SV2C: variants seen among roughly 807,000 people sequenced by gnomAD.
SV2C encodes the protein synaptic vesicle glycoprotein 2C.
SV2C carries 49 observed loss-of-function variants against 79.7 expected under a neutral mutation model. That is an observed-to-expected ratio of 0.61 (90% CI 0.49 to 0.78). The LOEUF (loss-of-function observed/expected upper bound fraction) is 0.78, where lower values mean the gene tolerates loss of function less well. SV2C is among the 30% of genes least tolerant of loss of function. The pLI, the probability that SV2C is intolerant of heterozygous loss-of-function variation, is 0.00. For missense variants in SV2C, 833 were observed against 912.9 expected (o/e 0.91, Z 1.13); for synonymous variants, 334 against 333.2 (o/e 1.00, Z -0.03).
intron 1 of SV2C, among the ~76,000 whole-genome samples, chr5:76,127,254 C>T (rs1411264472): frequency 1.3e-5 from 2 of 151,944 alleles, no homozygotes; most frequent in Non-Finnish European, 2.9e-5. Context: ...AGGGTGGGAG[C>T]TTGTGTAGGA....
chr5:76,314,898 C>A (rs115715893), intron 12 of SV2C, among the ~76,000 whole-genome samples: 1,707 of 152,286 alleles, frequency 0.011, 31 homozygotes, highest in African/African-American at 0.039. Flanking sequence ...GTCATTCCAT[C>A]ATTATTTACC....
downstream of SV2C, among the ~76,000 whole-genome samples, chr5:76,336,546 G>A (rs987623304): frequency 4.6e-5 from 7 of 152,174 alleles, no homozygotes; most frequent in African/African-American, 1.7e-4. Context: ...GCAGGCGGCT[G>A]GGAGGTGGAG....
intron 4 of SV2C, among the ~76,000 whole-genome samples, chr5:76,211,722 G>A (rs1170672856): frequency 1.3e-5 from 2 of 152,078 alleles, no homozygotes; most frequent in South Asian, 4.1e-4. Context: ...GAACAACCTT[G>A]GTGAAATTGA....
intron 4 of SV2C, among the ~76,000 whole-genome samples, chr5:76,254,590 C>G (rs913960981): frequency 6.6e-6 from 1 of 152,164 alleles, no homozygotes; most frequent in African/African-American, 2.4e-5. Context: ...GAAATAAATA[C>G]ACAGACTGCC....
chr5:76,176,124 A>AAC (rs1743521004), intron 2 of SV2C, among the ~76,000 whole-genome samples: 2 of 152,082 alleles, frequency 1.3e-5, no homozygotes, highest in African/African-American at 2.4e-5. Context: ...CCCCCACCCC[A>AAC]ACACACACAC....
chr5:75,912,526 T>C, the SV2C span, among the ~76,000 whole-genome samples: 1 of 151,994 alleles, frequency 6.6e-6, no homozygotes, highest in East Asian at 1.9e-4. Flanking sequence ...CTTATTGAAA[T>C]AGAAAACCCC....
the SV2C span, among the ~76,000 whole-genome samples, chr5:75,876,463 T>C: frequency 2.0e-5 from 3 of 151,974 alleles, no homozygotes; most frequent in Non-Finnish European, 4.4e-5. Flanking sequence ...AAGATGACTA[T>C]TGGGTACTGG....
At chr5:75,857,932 T>C in the SV2C span, among the ~76,000 whole-genome samples, 1 of 152,230 alleles carries the variant, frequency 6.6e-6, no homozygotes, top group Non-Finnish European at 1.5e-5. Flanking sequence ...AGAGAAATGC[T>C]ACTCATTTTT....
chr5:75,877,262 G>T, the SV2C span, among the ~76,000 whole-genome samples: 2 of 152,020 alleles, frequency 1.3e-5, no homozygotes, highest in African/African-American at 4.8e-5. Flanking sequence ...AAACATGTAT[G>T]CACCTAGAAA....
At chr5:76,250,992 G>A (rs1466932495) in intron 4 of SV2C, among the ~76,000 whole-genome samples, 1 of 152,104 alleles carries the variant, frequency 6.6e-6, no homozygotes, top group Non-Finnish European at 1.5e-5. Context: ...CATTCCTGGG[G>A]TCCTATTGTT....
chr5:75,994,846 A>G, the SV2C span, among the ~76,000 whole-genome samples: 1 of 152,254 alleles, frequency 6.6e-6, no homozygotes, highest in East Asian at 1.9e-4. Flanking sequence ...TAGTGTTATA[A>G]TTCAGTATGA....
At chr5:76,254,257 TAGAGAG>T (rs766602017) in intron 4 of SV2C, among the ~76,000 whole-genome samples, 3 of 149,304 alleles carry the variant, frequency 2.0e-5, no homozygotes, top group African/African-American at 2.5e-5. Context: ...TATATATATA[TAGAGAG>T]AGAGAGAGAG....
intron 12 of SV2C, among the ~76,000 whole-genome samples, chr5:76,320,153 CTTT>C (rs34287027): frequency 8.1e-5 from 11 of 135,504 alleles, no homozygotes; most frequent in Non-Finnish European, 4.8e-5. Flanking sequence ...TCTCGTCTTC[CTTT>C]TTTTTTTTTT....
At chr5:76,000,586 G>A in the SV2C span, among the ~76,000 whole-genome samples, 5 of 152,052 alleles carry the variant, frequency 3.3e-5, no homozygotes, top group Non-Finnish European at 7.4e-5. Flanking sequence ...ACACTTAACC[G>A]CACCAAAATT....
chr5:75,920,055 T>C, the SV2C span, among the ~76,000 whole-genome samples: 1 of 152,212 alleles, frequency 6.6e-6, no homozygotes, highest in Non-Finnish European at 1.5e-5. Flanking sequence ...GGTAGAGATA[T>C]GCAGTAAAAC....
chr5:76,125,441 TA>T (rs1319929774), intron 1 of SV2C, among the ~76,000 whole-genome samples: 12 of 152,310 alleles, frequency 7.9e-5, no homozygotes, highest in African/African-American at 2.9e-4. Context: ...TTCATCTTAA[TA>T]CAGTATTTCC....
the SV2C span, among the ~76,000 whole-genome samples, chr5:75,873,663 G>A: frequency 0.025 from 3,754 of 152,032 alleles, 160 homozygotes; most frequent in African/African-American, 0.086. Flanking sequence ...AAAATTACAG[G>A]AAACATTACG....
At chr5:76,191,426 C>A (rs13189798) in intron 2 of SV2C, among the ~76,000 whole-genome samples, 19,664 of 152,064 alleles carry the variant, frequency 0.13, 1,326 homozygotes, top group African/African-American at 0.15. Flanking sequence ...AATGCATTAG[C>A]CATGCATTAC....
At chr5:76,223,481 ATATATATATATATATG>A (rs1298583981) in intron 4 of SV2C, among the ~76,000 whole-genome samples, 4,104 of 56,944 alleles carry the variant, frequency 0.072, 156 homozygotes, top group African/African-American at 0.17. Flanking sequence ...ATATATATAT[ATATATATATATATATG>A]TATATGTATA....
Sources: allele counts gnomAD v4.1 joint callset (sites outside exome capture counted in the v4.1 genomes callset), GRCh38; gene constraint gnomAD v4.1.1; transcripts MANE v1.5; gene names NCBI Gene and HGNC (gene_info 2026-07-23, HGNC 2026-07-21).